The following CDKAL1 variants were observed in gnomAD, a reference collection of about 807,000 sequenced individuals.
CDKAL1 encodes CDKAL1 threonylcarbamoyladenosine tRNA methylthiotransferase.
Under a neutral mutation model 68.2 loss-of-function variants are expected in CDKAL1, and 32 were observed. That is an observed-to-expected ratio of 0.47 (90% confidence interval 0.35 to 0.63). The LOEUF is 0.63. Ranked by LOEUF, CDKAL1 falls within the 30% of genes least tolerant of loss-of-function variation. The pLI, the probability that CDKAL1 is intolerant of heterozygous loss-of-function variation, is 0.00. For missense variants in CDKAL1, 606 were observed against 696.7 expected (o/e 0.87, Z 1.47); for synonymous variants, 234 against 244.3 (o/e 0.96, Z 0.39).
At chr6:21,149,171 A>T (rs561882169) in intron 13 of CDKAL1, among the ~76,000 whole-genome samples, 1 of 151,848 alleles carries the variant, frequency 6.6e-6, no homozygotes, top group East Asian at 1.9e-4. Context: ...ACAGTGTCTC[A>T]CTCTGTTGCC....
At chr6:21,121,043 G>A (rs1774684653) in intron 13 of CDKAL1, among the ~76,000 whole-genome samples, 1 of 152,150 alleles carries the variant, frequency 6.6e-6, no homozygotes, top group Non-Finnish European at 1.5e-5. Context: ...GACCCACTCA[G>A]CAAGATGTTC....
At chr6:20,897,145 A>G (rs1041034227) in intron 9 of CDKAL1, among the ~76,000 whole-genome samples, 1 of 152,152 alleles carries the variant, frequency 6.6e-6, no homozygotes, top group East Asian at 1.9e-4. Context: ...GAAGGGGTGA[A>G]CAAGCTTTCT....
chr6:21,150,466 A>C (rs1170656526), intron 13 of CDKAL1, among the ~76,000 whole-genome samples: 1 of 152,122 alleles, frequency 6.6e-6, no homozygotes, highest in African/African-American at 2.4e-5. Context: ...GTTGTAATGA[A>C]ATTTTCCCTG....
chr6:21,155,705 A>G (rs985717697), intron 13 of CDKAL1, among the ~76,000 whole-genome samples: 1 of 152,218 alleles, frequency 6.6e-6, no homozygotes, highest in Non-Finnish European at 1.5e-5. Flanking sequence ...ATTATTCATT[A>G]TGTTCAAGAG....
intron 15 of CDKAL1, 122 bp from the exon 16 acceptor site, chr6:21,230,726 G>C (rs558108828): frequency 2.8e-6 from 2 of 702,090 alleles, no homozygotes; most frequent in Admixed American, 6.4e-5. Context: ...GTGTTCAAAC[G>C]TGTCTCTGTT....
At chr6:21,054,495 CT>C (rs1266565304) in intron 11 of CDKAL1, among the ~76,000 whole-genome samples, 2 of 152,000 alleles carry the variant, frequency 1.3e-5, no homozygotes, top group Non-Finnish European at 2.9e-5. Flanking sequence ...GAAATACTTG[CT>C]GTTATTTTGA....
chr6:21,089,250 A>T (rs1016707722), intron 12 of CDKAL1, among the ~76,000 whole-genome samples: 6 of 152,042 alleles, frequency 3.9e-5, no homozygotes, highest in African/African-American at 1.4e-4. Context: ...CTGAGGTGGG[A>T]GGATTGCTTG....
chr6:21,173,119 C>A (rs997675629), intron 13 of CDKAL1, among the ~76,000 whole-genome samples: 1 of 113,240 alleles, frequency 8.8e-6, no homozygotes, highest in Non-Finnish European at 2.2e-5. Flanking sequence ...CTTCACCTCC[C>A]CACAACACCC....
At chr6:20,643,142 C>G (rs1768268621) in intron 4 of CDKAL1, among the ~76,000 whole-genome samples, 2 of 152,164 alleles carry the variant, frequency 1.3e-5, no homozygotes, top group African/African-American at 4.8e-5. Context: ...AGGTGGAGTT[C>G]TTTCTTGGGC....
intron 5 of CDKAL1, among the ~76,000 whole-genome samples, chr6:20,670,734 G>A (rs1313109794): frequency 2.0e-5 from 3 of 152,116 alleles, no homozygotes; most frequent in African/African-American, 7.2e-5. Flanking sequence ...AGAATTCTCT[G>A]TATGAAACCC....
chr6:20,944,760 A>C (rs1764154186), intron 9 of CDKAL1, among the ~76,000 whole-genome samples: 1 of 152,178 alleles, frequency 6.6e-6, no homozygotes, highest in South Asian at 2.1e-4. Flanking sequence ...GATTGGCATA[A>C]TTTTGGTCAA....
chr6:20,881,945 G>A (rs911721282), intron 9 of CDKAL1, among the ~76,000 whole-genome samples: 4 of 151,968 alleles, frequency 2.6e-5, no homozygotes, highest in Admixed American at 6.6e-5. Context: ...CTCTCTTATC[G>A]CTGCAAGTAC....
Position 21,088,237 on chromosome 6 carries a change from C to T in CDKAL1, c.1237-20164C>T, listed in dbSNP as rs556375570. ...GGTTCAAAAACAAAGATAGTACTTC[C>T]AGGATCTGGGTCAACAGAGATCTGG... On this transcript the variant is annotated intron_variant, in intron 12 of 15. Coordinates refer to ENST00000274695, the MANE Select transcript of CDKAL1 (RefSeq NM_017774.3). Among the ~76,000 whole-genome samples, 6 of 152,250 alleles carry T rather than the reference C, an allele frequency of 3.9e-5. No homozygotes were observed. In the South Asian group the frequency reaches 1.2e-3, roughly 32 times the overall value.
chr6:20,979,772 CT>C (rs58698004), intron 10 of CDKAL1, among the ~76,000 whole-genome samples: 63,612 of 131,380 alleles, frequency 0.48, 14,298 homozygotes, highest in South Asian at 0.52. Context: ...TTCATAGTAT[CT>C]TTTTTTTTTT....
At chr6:20,752,169 C>G (rs1773952214) in intron 6 of CDKAL1, among the ~76,000 whole-genome samples, 1 of 151,822 alleles carries the variant, frequency 6.6e-6, no homozygotes, top group South Asian at 2.1e-4. Flanking sequence ...TACTGGAAAC[C>G]AAAATGGACA....
At chr6:20,883,596 A>G (rs2150565987) in intron 9 of CDKAL1, among the ~76,000 whole-genome samples, 1 of 152,344 alleles carries the variant, frequency 6.6e-6, no homozygotes, top group Admixed American at 6.5e-5. Context: ...TGGCAGCTGT[A>G]GTTAATAATG....
At chr6:20,818,917 TA>T (rs1777160776) in intron 8 of CDKAL1, among the ~76,000 whole-genome samples, 1 of 151,996 alleles carries the variant, frequency 6.6e-6, no homozygotes, top group Non-Finnish European at 1.5e-5. Flanking sequence ...CAAAATGTTT[TA>T]AAAAGCTCTG....
intron 13 of CDKAL1, among the ~76,000 whole-genome samples, chr6:21,122,645 T>C (rs1244701852): frequency 6.6e-6 from 1 of 151,808 alleles, no homozygotes; most frequent in Non-Finnish European, 1.5e-5. Context: ...TATTTATTTA[T>C]TTATTTAGAG....
chr6:20,844,478 A>G (rs1778296041), intron 8 of CDKAL1, among the ~76,000 whole-genome samples: 1 of 151,998 alleles, frequency 6.6e-6, no homozygotes, highest in Admixed American at 6.6e-5. Flanking sequence ...TACTTATCTG[A>G]TTTTTTGAGG....
Sources: gnomAD v4.1 joint callset for allele counts (sites outside exome capture counted in the v4.1 genomes callset) on GRCh38, gnomAD v4.1.1 for gene constraint, MANE v1.5 for transcripts, NCBI Gene and HGNC (gene_info 2026-07-23, HGNC 2026-07-21) for gene names.